The following CPA6 variants were observed in gnomAD, a reference collection of about 807,000 sequenced individuals.
CPA6 encodes the protein carboxypeptidase A6, also known as carboxypeptidase B.
A neutral mutation model predicts 63.3 loss-of-function variants in CPA6; 58 were observed. The observed-to-expected ratio is 0.92, with a 90% CI of 0.74 to 1.14. CPA6 has a LOEUF of 1.14. CPA6 is among the 50% of genes most tolerant of loss of function. CPA6 has a pLI of 0.00. For missense variants in CPA6, 565 were observed against 526.6 expected (o/e 1.07, Z -0.71); for synonymous variants, 185 against 179.0 (o/e 1.03, Z -0.27).
chr8:67,500,121 G>A (rs777351053), intron 6 of CPA6, among the ~76,000 whole-genome samples: 2 of 152,146 alleles, frequency 1.3e-5, no homozygotes, highest in Admixed American at 6.6e-5. Flanking sequence ...TGCAACATAT[G>A]AGTGTTCTAG....
At chr8:67,517,429 C>T (rs542523210) in intron 3 of CPA6, among the ~76,000 whole-genome samples, 1 of 152,312 alleles carries the variant, frequency 6.6e-6, no homozygotes, top group East Asian at 1.9e-4. Context: ...GTCTGAGCTC[C>T]TGCCCCTGCA....
At chr8:67,448,341 A>G (rs1810475412) in intron 8 of CPA6, among the ~76,000 whole-genome samples, 1 of 152,262 alleles carries the variant, frequency 6.6e-6, no homozygotes, top group South Asian at 2.1e-4. Context: ...ATGTCTTTGT[A>G]AAAAATGGCT....
chr8:67,477,614 G>A (rs1418305508), intron 8 of CPA6, among the ~76,000 whole-genome samples: 2 of 152,174 alleles, frequency 1.3e-5, no homozygotes, highest in Non-Finnish European at 2.9e-5. Context: ...GTGGATTAAT[G>A]TATGTTAGAG....
intron 5 of CPA6, among the ~76,000 whole-genome samples, chr8:67,507,151 T>C (rs949697461): frequency 1.3e-5 from 2 of 152,136 alleles, no homozygotes; most frequent in East Asian, 3.9e-4. Context: ...TCTTTATTTT[T>C]AAAATTTTTT....
chr8:67,671,446 A>G (rs953546046), intron 1 of CPA6, among the ~76,000 whole-genome samples: 3 of 152,170 alleles, frequency 2.0e-5, no homozygotes, highest in African/African-American at 7.2e-5. Context: ...AGTAGGGTTC[A>G]TTGGTGATGC....
intron 2 of CPA6, among the ~76,000 whole-genome samples, chr8:67,554,726 G>A (rs564609148): frequency 3.3e-5 from 5 of 152,270 alleles, no homozygotes; most frequent in African/African-American, 1.2e-4. Flanking sequence ...GAGTCACAAA[G>A]GTCAAAGCCT....
At chr8:67,429,338 A>G (rs189479833) in intron 9 of CPA6, among the ~76,000 whole-genome samples, 1 of 152,244 alleles carries the variant, frequency 6.6e-6, no homozygotes, top group Non-Finnish European at 1.5e-5. Flanking sequence ...GAAGTATTAC[A>G]TGACAAATGA....
intron 2 of CPA6, among the ~76,000 whole-genome samples, chr8:67,547,281 G>C (rs1032365477): frequency 9.9e-5 from 15 of 152,024 alleles, no homozygotes; most frequent in Non-Finnish European, 1.8e-4. Flanking sequence ...CTCCTGACCT[G>C]GTGATCCGCC....
intron 1 of CPA6, among the ~76,000 whole-genome samples, chr8:67,640,403 T>C (rs1015040065): frequency 8.6e-5 from 13 of 151,442 alleles, no homozygotes; most frequent in Non-Finnish European, 1.3e-4. Flanking sequence ...GGAGCTGGCG[T>C]GTTAGCGCTG....
chr8:67,744,821 C>G (rs1673007026), intron 1 of CPA6, among the ~76,000 whole-genome samples: 1 of 152,132 alleles, frequency 6.6e-6, no homozygotes, highest in Non-Finnish European at 1.5e-5. Context: ...CCCAGAAATA[C>G]TGGGGTGGAA....
At chr8:67,589,859 C>T (rs56695886) in intron 2 of CPA6, among the ~76,000 whole-genome samples, 28,750 of 151,588 alleles carry the variant, frequency 0.19, 3,551 homozygotes, top group African/African-American at 0.34. Context: ...TGTGTGTGTA[C>T]TCTGTGTAGT....
chr8:67,468,399 A>G (rs1810977282), intron 8 of CPA6, among the ~76,000 whole-genome samples: 1 of 151,728 alleles, frequency 6.6e-6, no homozygotes, highest in African/African-American at 2.4e-5. Flanking sequence ...CCTGGCCAAC[A>G]TGGAGAAACC....
intron 8 of CPA6, among the ~76,000 whole-genome samples, chr8:67,458,061 G>A (rs933289354): frequency 2.6e-5 from 4 of 152,068 alleles, no homozygotes; most frequent in Non-Finnish European, 5.9e-5. Context: ...ACAAAAAAGT[G>A]AATCTAGACA....
intron 1 of CPA6, among the ~76,000 whole-genome samples, chr8:67,678,186 C>T (rs1057211095): frequency 2.0e-5 from 3 of 149,826 alleles, no homozygotes; most frequent in Admixed American, 1.3e-4. Flanking sequence ...AGAGATCACG[C>T]CATTGCATTA....
At chr8:67,628,174 C>T (rs1443365377) in intron 1 of CPA6, among the ~76,000 whole-genome samples, 2 of 151,890 alleles carry the variant, frequency 1.3e-5, no homozygotes, top group Non-Finnish European at 2.9e-5. Flanking sequence ...GATTGAGCCA[C>T]TGCACTCCAG....
At chr8:67,469,536 G>A (rs1465765486) in intron 8 of CPA6, among the ~76,000 whole-genome samples, 1 of 152,150 alleles carries the variant, frequency 6.6e-6, no homozygotes, top group Admixed American at 6.5e-5. Context: ...AACCCAGGAG[G>A]CAGAGGTTGC....
At chr8:67,631,416 G>A (rs1196181402) in intron 1 of CPA6, among the ~76,000 whole-genome samples, 1 of 152,168 alleles carries the variant, frequency 6.6e-6, no homozygotes, top group African/African-American at 2.4e-5. Context: ...ACTGTGTCTA[G>A]CTCAAGGTTT....
chr8:67,569,668 T>G lies in CPA6; in HGVS notation c.193-51621A>C, dbSNP rs112994113. ...GGCACAGAAGGTTATATCCAAACTG[T>G]GTTTTAAGCAGGTTACAGGGGTTAC... is the stretch of plus-strand genomic sequence containing the variant. On this transcript the variant is annotated intron_variant, in intron 2 of 10. Transcript: ENST00000297770. 5.4e-4 allele frequency: 175 copies of G among 326,504 alleles called. 1 individual carries two copies. Among genetic ancestry groups the G allele is most frequent in the African/African-American group, 3.4e-3 (154 of 45,960 alleles). 20.2% of individuals were successfully genotyped at this position (326,504 alleles called of 1,614,324 possible).
chr8:67,614,011 T>G (rs1814877002), intron 2 of CPA6, among the ~76,000 whole-genome samples: 1 of 152,024 alleles, frequency 6.6e-6, no homozygotes, highest in Non-Finnish European at 1.5e-5. Context: ...CCTCCACCAC[T>G]CAATAAAACC....
Sources: allele counts gnomAD v4.1 joint callset (sites outside exome capture counted in the v4.1 genomes callset), GRCh38; gene constraint gnomAD v4.1.1; transcripts MANE v1.5; gene names NCBI Gene and HGNC (gene_info 2026-07-23, HGNC 2026-07-21).